PPM1E: variants seen among roughly 807,000 people sequenced by gnomAD.
PPM1E encodes protein phosphatase 1E.
In PPM1E, 20 loss-of-function variants were observed where a neutral mutation model predicts 65.9. The ratio of observed to expected loss-of-function variants is 0.30; its 90% CI spans 0.21 to 0.44. The LOEUF (loss-of-function observed/expected upper bound fraction) is 0.44, where lower values mean the gene tolerates loss of function less well. Among genes scored for constraint, PPM1E ranks in the 20% least tolerant of loss-of-function variants. The probability of loss-of-function intolerance (pLI) is 1.00; values close to 1 mark genes in which losing one functional copy is unlikely to be tolerated. For synonymous variants in PPM1E, 352 were observed against 374.9 expected (o/e 0.94, Z 0.70); for missense variants, 713 against 953.1 (o/e 0.75, Z 3.32).
chr17:58,898,518 G>A (rs1401087774), intron 1 of PPM1E, among the ~76,000 whole-genome samples: 1 of 152,158 alleles, frequency 6.6e-6, no homozygotes, highest in Non-Finnish European at 1.5e-5. Context: ...AACAGGTGCT[G>A]GAGAGGATGT....
intron 1 of PPM1E, among the ~76,000 whole-genome samples, chr17:58,844,052 A>G (rs1243442123): frequency 2.6e-5 from 4 of 152,126 alleles, no homozygotes; most frequent in Non-Finnish European, 5.9e-5. Flanking sequence ...ACAGAGATAC[A>G]TTATTTTGGG....
intron 1 of PPM1E, among the ~76,000 whole-genome samples, chr17:58,805,870 C>T (rs937750661): frequency 6.8e-6 from 1 of 146,476 alleles, no homozygotes; most frequent in East Asian, 2.0e-4. Context: ...GAATAGGAAG[C>T]CTAAAATGTA....
intron 1 of PPM1E, among the ~76,000 whole-genome samples, chr17:58,830,382 A>G (rs1340620920): frequency 1.3e-5 from 2 of 151,610 alleles, no homozygotes; most frequent in Non-Finnish European, 2.9e-5. Context: ...GTCTCGGCTC[A>G]CTGCAAGCTT....
At chr17:58,900,624 C>A (rs2051487519) in intron 1 of PPM1E, among the ~76,000 whole-genome samples, 1 of 152,098 alleles carries the variant, frequency 6.6e-6, no homozygotes, top group Non-Finnish European at 1.5e-5. Context: ...TTTTATTTTG[C>A]AATAAAGCAA....
At chr17:58,830,794 C>T (rs1056895850) in intron 1 of PPM1E, among the ~76,000 whole-genome samples, 1 of 151,570 alleles carries the variant, frequency 6.6e-6, no homozygotes, top group Non-Finnish European at 1.5e-5. Context: ...AAGCAATACT[C>T]CTGCCTCAGT....
At chr17:58,912,772 C>T (rs2051642302) in intron 1 of PPM1E, among the ~76,000 whole-genome samples, 1 of 152,190 alleles carries the variant, frequency 6.6e-6, no homozygotes. Context: ...AACTTTCAGT[C>T]ATACTTCCTT....
At chr17:58,763,878 T>C (rs2049847493) in intron 1 of PPM1E, among the ~76,000 whole-genome samples, 1 of 152,088 alleles carries the variant, frequency 6.6e-6, no homozygotes, top group Non-Finnish European at 1.5e-5. Context: ...TCCATAATGA[T>C]TTATAAGATC....
At chr17:58,816,741 AATATATATATAT>A (rs67568496) in intron 1 of PPM1E, among the ~76,000 whole-genome samples, 1,105 of 84,984 alleles carry the variant, frequency 0.013, 15 homozygotes, top group East Asian at 0.019. Context: ...TCAGAATATA[AATATATATATAT>A]ATATATATAT....
At chr17:58,802,289 A>G (rs1344554470) in intron 1 of PPM1E, among the ~76,000 whole-genome samples, 1 of 152,188 alleles carries the variant, frequency 6.6e-6, no homozygotes, top group African/African-American at 2.4e-5. Flanking sequence ...TAAAGAAACT[A>G]TCCTTTCCCT....
intron 1 of PPM1E, among the ~76,000 whole-genome samples, chr17:58,869,823 A>G (rs113144474): frequency 6.6e-6 from 1 of 152,142 alleles, no homozygotes; most frequent in African/African-American, 2.4e-5. Flanking sequence ...CCCATTCACA[A>G]TCTGCTTCAG....
intron 2 of PPM1E, among the ~76,000 whole-genome samples, chr17:58,962,807 T>C (rs1007324970): frequency 7.2e-5 from 11 of 152,160 alleles, no homozygotes; most frequent in African/African-American, 2.7e-4. Flanking sequence ...GGGACAGGCA[T>C]GGCAGCTCAT....
At chr17:58,812,118 T>G (rs2050374203) in intron 1 of PPM1E, among the ~76,000 whole-genome samples, 1 of 151,872 alleles carries the variant, frequency 6.6e-6, no homozygotes, top group South Asian at 2.1e-4. Context: ...GAATTCCATT[T>G]TTTTTTTAAT....
At chr17:58,891,323 T>TATG (rs1223808998) in intron 1 of PPM1E, among the ~76,000 whole-genome samples, 1 of 151,950 alleles carries the variant, frequency 6.6e-6, no homozygotes, top group Non-Finnish European at 1.5e-5. Context: ...ATGGATTTAT[T>TATG]ATTATTATTA....
chr17:58,982,963 C>A lies in PPM1E; in HGVS notation c.*1932C>A. The A allele has an allele frequency of 6.5e-7, 1 of 1,535,632 alleles. No individual in the cohort carries two copies. Among genetic ancestry groups the A allele is most frequent in the Non-Finnish European group, 8.9e-7 (1 of 1,128,996 alleles). On this transcript the variant is annotated 3_prime_UTR_variant, in exon 7 of 7. Coordinates refer to ENST00000308249, the MANE Select transcript of PPM1E (RefSeq NM_014906.5). Reference sequence around the variant, plus strand: ...ACAAAGGCAGCAGACTATTGGTACACATTATAGTCCAAAGTGCTTAGCGAA... The same window carrying A: ...ACAAAGGCAGCAGACTATTGGTACAAATTATAGTCCAAAGTGCTTAGCGAA...
chr17:58,857,964 T>G (rs1004599999), intron 1 of PPM1E, among the ~76,000 whole-genome samples: 9 of 152,070 alleles, frequency 5.9e-5, no homozygotes, highest in African/African-American at 2.2e-4. Flanking sequence ...ATTTTGAAAG[T>G]TTTTTCATTC....
chr17:58,821,405 C>T (rs900780586), intron 1 of PPM1E, among the ~76,000 whole-genome samples: 10 of 152,130 alleles, frequency 6.6e-5, no homozygotes, highest in Non-Finnish European at 1.0e-4. Flanking sequence ...CCACCGCGCC[C>T]GGCCAGCTTT....
At chr17:58,779,361 C>T (rs961851197) in intron 1 of PPM1E, among the ~76,000 whole-genome samples, 6 of 151,740 alleles carry the variant, frequency 4.0e-5, no homozygotes, top group African/African-American at 9.7e-5. Context: ...TTAGTAGAAA[C>T]GGGGTTTCAC....
intron 1 of PPM1E, among the ~76,000 whole-genome samples, chr17:58,949,670 T>A (rs2052209726): frequency 6.6e-6 from 1 of 152,168 alleles, no homozygotes; most frequent in African/African-American, 2.4e-5. Context: ...TATTCCTTTC[T>A]CTTTCTTCTT....
chr17:58,922,512 C>G (rs570750194), intron 1 of PPM1E, among the ~76,000 whole-genome samples: 2 of 152,062 alleles, frequency 1.3e-5, no homozygotes, highest in Non-Finnish European at 1.5e-5. Flanking sequence ...CTTCAGTCTC[C>G]TAAAGTGTTG....
Sources: allele counts gnomAD v4.1 joint callset (sites outside exome capture counted in the v4.1 genomes callset), GRCh38; gene constraint gnomAD v4.1.1; transcripts MANE v1.5; gene names NCBI Gene and HGNC (gene_info 2026-07-23, HGNC 2026-07-21).